Variants in PPFIBP2 observed in about 807,000 individuals in gnomAD.
The protein encoded by PPFIBP2 is PPFIB scaffold protein 2.
PPFIBP2 carries 118 observed loss-of-function variants against 118.3 expected under a neutral mutation model. That is an observed-to-expected ratio of 1.00 (90% confidence interval 0.86 to 1.16). PPFIBP2 has a LOEUF of 1.16. PPFIBP2 is among the 50% of genes most tolerant of loss of function. The pLI, the probability that PPFIBP2 is intolerant of heterozygous loss-of-function variation, is 0.00. For missense variants in PPFIBP2, 1,195 were observed against 1,073.1 expected (o/e 1.11, Z -1.59); for synonymous variants, 414 against 397.4 (o/e 1.04, Z -0.50).
At chr11:7,665,136 C>A in the PPFIBP2 span, 6 of 395,068 alleles carry the variant, frequency 1.5e-5, no homozygotes, top group African/African-American at 2.1e-5. Context: ...CACAAAACCA[C>A]GGAGAAAGAT....
the PPFIBP2 span, among the ~76,000 whole-genome samples, chr11:7,662,355 T>G: frequency 2.0e-5 from 3 of 152,212 alleles, no homozygotes; most frequent in Admixed American, 1.3e-4. Context: ...GGTGACAAAA[T>G]CTCTCAGCAT....
At chr11:7,655,588 G>C (rs1590840943), downstream of PPFIBP2, 2 of 1,059,598 alleles carry the variant, frequency 1.9e-6, no homozygotes, top group Non-Finnish European at 2.6e-6. Context: ...CACAAGGCCT[G>C]GGGGACGGCG....
chr11:7,616,654 T>C lies in PPFIBP2; in HGVS notation c.619-4281T>C, dbSNP rs372390631. ...TTCAGGGTTTGGGTACATATTGTCA[T>C]GGATAAGTGTGATGTGTGCCATATG... On this transcript the variant is annotated intron_variant, in intron 6 of 23. Transcript: ENST00000299492. This position sits in a 1 kb window ranked among gnomAD's most constrained non-coding sequence, Gnocchi z 5.2. Among the ~76,000 whole-genome samples the C allele has an allele frequency of 7.7e-4, 117 of 152,226 alleles. 4 individuals carry two copies. The South Asian group carries it at 0.021, about 28-fold the overall frequency.
chr11:7,605,951 G>A (rs1200677845), intron 5 of PPFIBP2: 1 of 1,533,582 alleles, frequency 6.5e-7, no homozygotes. Context: ...AGCCAGAGTG[G>A]ATACTGAATG....
chr11:7,570,051 C>T (rs139976781), intron 3 of PPFIBP2, among the ~76,000 whole-genome samples: 29 of 152,268 alleles, frequency 1.9e-4, no homozygotes, highest in African/African-American at 5.3e-4. Context: ...AAGAAGGACC[C>T]GGTACAACTG....
In PPFIBP2 at chr11:7,653,210, A is replaced by T. The variant is rs376823924; in HGVS notation, c.2623A>T (p.Ile875Phe). ...GGATGGGCTGGACCAGGTGGGACAG[A>T]TTAGCTGATGCCCTTGTCACCTGCC... is the stretch of plus-strand genomic sequence containing the variant. ...ELDGLDQVGQ[I>F]S is the part of the protein sequence containing the mutation. The change falls in exon 24 of 24, where the codon ATT becomes TTT. Residue 875 changes from isoleucine to phenylalanine, a missense_variant. Coordinates refer to ENST00000299492, the MANE Select transcript of PPFIBP2 (RefSeq NM_003621.5). The T allele has an allele frequency of 1.2e-6, 2 of 1,614,136 alleles. No homozygotes were observed. Among genetic ancestry groups the T allele is most frequent in the Non-Finnish European group, 8.5e-7 (1 of 1,180,038 alleles).
intron 2 of PPFIBP2, among the ~76,000 whole-genome samples, chr11:7,558,532 G>T (rs147673740): frequency 0.014 from 2,094 of 152,226 alleles, 74 homozygotes; most frequent in African/African-American, 0.048. Flanking sequence ...GAGGCAGGCA[G>T]ATCACGAGGT....
chr11:7,618,080 G>A (rs1437203556), intron 6 of PPFIBP2, among the ~76,000 whole-genome samples: 2 of 152,166 alleles, frequency 1.3e-5, no homozygotes, highest in Non-Finnish European at 2.9e-5. Flanking sequence ...AGGATACCCT[G>A]GCTCTGTAGG....
At chr11:7,557,411 C>T (rs1170453461) in intron 2 of PPFIBP2, among the ~76,000 whole-genome samples, 2 of 151,326 alleles carry the variant, frequency 1.3e-5, no homozygotes, top group Middle Eastern at 3.2e-3. Context: ...GATTTAGTTA[C>T]GTGTTTAAGC....
intron 2 of PPFIBP2, among the ~76,000 whole-genome samples, chr11:7,563,893 C>A (rs745961973): frequency 1.3e-5 from 2 of 152,160 alleles, no homozygotes; most frequent in Non-Finnish European, 2.9e-5. Flanking sequence ...AGGCCAGGCG[C>A]AGTGGCTCAC....
the PPFIBP2 span, chr11:7,665,770 T>C: frequency 7.0e-7 from 1 of 1,424,796 alleles, no homozygotes. Flanking sequence ...CCTGAAGCCC[T>C]GCTGCTGTCT....
chr11:7,526,663 G>A (rs1199397428), intron 1 of PPFIBP2, among the ~76,000 whole-genome samples: 1 of 152,142 alleles, frequency 6.6e-6, no homozygotes, highest in East Asian at 1.9e-4. Context: ...ACGAGGTCAG[G>A]AGATTGAGAC....
intron 1 of PPFIBP2, among the ~76,000 whole-genome samples, chr11:7,537,770 C>T (rs144924436): frequency 2.8e-4 from 43 of 152,280 alleles, no homozygotes; most frequent in Middle Eastern, 3.4e-3. Context: ...GGCTCCCCAT[C>T]TCAATTCTTC....
At chr11:7,611,180 A>G (rs1848030169) in intron 6 of PPFIBP2, among the ~76,000 whole-genome samples, 1 of 152,236 alleles carries the variant, frequency 6.6e-6, no homozygotes. Flanking sequence ...TAACTGCTTA[A>G]TAGTTCTATG....
At chr11:7,665,470 G>C in the PPFIBP2 span, 1 of 1,613,972 alleles carries the variant, frequency 6.2e-7, no homozygotes, top group South Asian at 1.1e-5. Flanking sequence ...ACACCAGGAT[G>C]AGCGTGGACT....
At chr11:7,614,450 C>T (rs55699264) in intron 6 of PPFIBP2, among the ~76,000 whole-genome samples, 2,341 of 152,242 alleles carry the variant, frequency 0.015, 59 homozygotes, top group African/African-American at 0.053. Flanking sequence ...TTAAAACTTC[C>T]TCATTCATAT....
intron 3 of PPFIBP2, among the ~76,000 whole-genome samples, chr11:7,569,939 G>A (rs1855467032): frequency 6.6e-6 from 1 of 152,180 alleles, no homozygotes; most frequent in South Asian, 2.1e-4. Context: ...AACCCCACAG[G>A]TGGTCCTGAA....
intron 6 of PPFIBP2, 72 bp downstream of exon 6, chr11:7,610,494 G>T: frequency 6.3e-7 from 1 of 1,576,570 alleles, no homozygotes. Flanking sequence ...AGGCCATCTG[G>T]TCAACTCCCA....
At chr11:7,588,907 G>A (rs1858708424) in intron 3 of PPFIBP2, among the ~76,000 whole-genome samples, 1 of 152,180 alleles carries the variant, frequency 6.6e-6, no homozygotes, top group South Asian at 2.1e-4. Flanking sequence ...AAATTGAAGA[G>A]GATGTGGAAA....
Sources: gnomAD v4.1 joint callset for allele counts (sites outside exome capture counted in the v4.1 genomes callset) on GRCh38, gnomAD v4.1.1 for gene constraint, Gnocchi (gnomAD v3.1) non-coding constraint, MANE v1.5 for transcripts, NCBI Gene and HGNC (gene_info 2026-07-23, HGNC 2026-07-21) for gene names.